The following DCLK1 variants were observed in gnomAD, a reference collection of about 807,000 sequenced individuals.
The protein encoded by DCLK1 is doublecortin like kinase 1.
A neutral mutation model predicts 86.2 loss-of-function variants in DCLK1; 16 were observed. That is an observed-to-expected ratio of 0.19 (90% CI 0.13 to 0.28). The LOEUF (loss-of-function observed/expected upper bound fraction) is 0.28. Ranked by LOEUF, DCLK1 falls within the 10% of genes least tolerant of loss-of-function variation. The pLI, the probability that DCLK1 is intolerant of heterozygous loss-of-function variation, is 1.00. For missense variants in DCLK1, 590 were observed against 940.2 expected (o/e 0.63, Z 4.87); for synonymous variants, 369 against 370.5 (o/e 1.00, Z 0.05).
chr13:35,857,242 A>C (rs1011188035), intron 5 of DCLK1, among the ~76,000 whole-genome samples: 10 of 152,130 alleles, frequency 6.6e-5, no homozygotes, highest in African/African-American at 2.2e-4. Context: ...GTGCATTTTG[A>C]TTTTAATTGT....
intron 3 of DCLK1, among the ~76,000 whole-genome samples, chr13:35,949,954 C>A (rs1877576574): frequency 6.6e-6 from 1 of 151,704 alleles, no homozygotes. Flanking sequence ...CATCACCCAG[C>A]ACAAAAAGGC....
intron 3 of DCLK1, among the ~76,000 whole-genome samples, chr13:35,990,693 G>A (rs1011407589): frequency 2.0e-5 from 3 of 152,082 alleles, no homozygotes; most frequent in East Asian, 1.9e-4. Context: ...CTCAGTGAAC[G>A]CTCTAGATTA....
At chr13:36,107,639 G>A (rs1178014684) in intron 3 of DCLK1, among the ~76,000 whole-genome samples, 2 of 152,034 alleles carry the variant, frequency 1.3e-5, no homozygotes, top group African/African-American at 4.8e-5. Flanking sequence ...GGATCATTGG[G>A]AAGTGCCCTA....
chr13:36,082,723 T>C (rs193084447), intron 3 of DCLK1, among the ~76,000 whole-genome samples: 1 of 152,308 alleles, frequency 6.6e-6, no homozygotes, highest in East Asian at 1.9e-4. Context: ...ATGGAAGTTG[T>C]AGAAAGCACT....
intron 8 of DCLK1, among the ~76,000 whole-genome samples, chr13:35,829,428 G>A (rs1868767886): frequency 2.0e-5 from 3 of 152,064 alleles, no homozygotes; most frequent in Admixed American, 1.3e-4. Context: ...TGGATCCAAT[G>A]GACACAAATA....
intron 3 of DCLK1, among the ~76,000 whole-genome samples, chr13:36,110,196 A>T (rs1885561054): frequency 6.6e-6 from 1 of 152,262 alleles, no homozygotes; most frequent in Non-Finnish European, 1.5e-5. Context: ...ATAACTCATT[A>T]GAAATGGAGC....
intron 3 of DCLK1, among the ~76,000 whole-genome samples, chr13:35,965,532 T>C (rs1190248369): frequency 6.6e-6 from 1 of 152,234 alleles, no homozygotes; most frequent in Non-Finnish European, 1.5e-5. Context: ...TTTTTAAGGA[T>C]CTCAGTTTAC....
At chr13:35,805,972 A>C (rs2087018995) in intron 14 of DCLK1, among the ~76,000 whole-genome samples, 193 bp from the exon 15 acceptor site, 1 of 152,236 alleles carries the variant, frequency 6.6e-6, no homozygotes, top group Non-Finnish European at 1.5e-5. Context: ...GGAATTGTAA[A>C]TACATAGCTT....
intron 5 of DCLK1, among the ~76,000 whole-genome samples, chr13:35,868,490 T>C (rs1400599854): frequency 6.6e-6 from 1 of 152,202 alleles, no homozygotes; most frequent in Non-Finnish European, 1.5e-5. Flanking sequence ...TTATTCATCT[T>C]ATATACTGAG....
At chr13:35,989,090 TA>T (rs937976490) in intron 3 of DCLK1, among the ~76,000 whole-genome samples, 4 of 152,080 alleles carry the variant, frequency 2.6e-5, no homozygotes, top group African/African-American at 9.7e-5. Flanking sequence ...TAGAAGATAA[TA>T]GGGGTACAGA....
chr13:35,966,043 T>C (rs1169878361), intron 3 of DCLK1, among the ~76,000 whole-genome samples: 1 of 152,148 alleles, frequency 6.6e-6, no homozygotes, highest in African/African-American at 2.4e-5. Flanking sequence ...ATGAAAAAAC[T>C]TTTTTGAAAA....
intron 16 of DCLK1, among the ~76,000 whole-genome samples, chr13:35,776,350 C>A (rs1012380735): frequency 3.0e-4 from 45 of 152,132 alleles, no homozygotes; most frequent in African/African-American, 1.0e-3. Context: ...ACATAAAAAG[C>A]ATTTTGTAGT....
intron 10 of DCLK1, among the ~76,000 whole-genome samples, chr13:35,826,558 A>AGGAGGGAGGGAGG (rs1161121038): frequency 2.6e-4 from 7 of 27,264 alleles, no homozygotes; most frequent in Admixed American, 1.0e-3. Flanking sequence ...AAAGAAAGAA[A>AGGAGGGAGGGAGG]GAAACAAGTC....
At chr13:35,910,376 T>A (rs527322556) in intron 4 of DCLK1, among the ~76,000 whole-genome samples, 2 of 152,304 alleles carry the variant, frequency 1.3e-5, no homozygotes, top group Non-Finnish European at 2.9e-5. Context: ...ATAACAGAGA[T>A]AATACTCAGC....
At chr13:35,941,752 TTAAA>T (rs1877096091) in intron 4 of DCLK1, among the ~76,000 whole-genome samples, 2 of 152,232 alleles carry the variant, frequency 1.3e-5, no homozygotes, top group Admixed American at 1.3e-4. Flanking sequence ...TTTATGAATA[TTAAA>T]TAACACATTT....
chr13:36,109,387 ATAATC>A (rs1375076584), intron 3 of DCLK1, among the ~76,000 whole-genome samples: 1 of 152,226 alleles, frequency 6.6e-6, no homozygotes, highest in Non-Finnish European at 1.5e-5. Context: ...GTGCCTTAAC[ATAATC>A]TAAAGTGGTA....
At chr13:35,986,300 CAAAAAAAAAA>C (rs60156251) in intron 3 of DCLK1, among the ~76,000 whole-genome samples, 14 of 44,400 alleles carry the variant, frequency 3.2e-4, no homozygotes, top group African/African-American at 1.5e-3. Flanking sequence ...GACTCCGTCT[CAAAAAAAAAA>C]AAAAAAAAAA....
chr13:36,051,669 C>T (rs2153157247), intron 3 of DCLK1, among the ~76,000 whole-genome samples: 1 of 152,230 alleles, frequency 6.6e-6, no homozygotes, highest in East Asian at 1.9e-4. Context: ...CTGGTTTTCT[C>T]TCTGAAATTA....
chr13:35,902,098 A>G (rs917979740), intron 4 of DCLK1, among the ~76,000 whole-genome samples: 1 of 152,224 alleles, frequency 6.6e-6, no homozygotes, highest in Non-Finnish European at 1.5e-5. Context: ...GAAGTATTTA[A>G]TATTAGTTAG....
Sources: allele counts gnomAD v4.1 joint callset (sites outside exome capture counted in the v4.1 genomes callset), GRCh38; gene constraint gnomAD v4.1.1; transcripts MANE v1.5; gene names NCBI Gene and HGNC (gene_info 2026-07-23, HGNC 2026-07-21).